Variants in KCND3 observed in about 807,000 individuals in gnomAD.
The protein encoded by KCND3 is potassium voltage-gated channel subfamily D member 3.
Under a neutral mutation model 51.1 loss-of-function variants are expected in KCND3, and 9 were observed. That is an observed-to-expected ratio of 0.18 (90% CI 0.11 to 0.31). The LOEUF (loss-of-function observed/expected upper bound fraction) is 0.31. Ranked by LOEUF, KCND3 falls within the 10% of genes least tolerant of loss-of-function variation. KCND3 has a pLI of 1.00. For missense variants in KCND3, 526 were observed against 903.8 expected (o/e 0.58, Z 5.36); for synonymous variants, 349 against 368.0 (o/e 0.95, Z 0.59).
intron 2 of KCND3, among the ~76,000 whole-genome samples, chr1:111,840,447 C>T (rs1667275595): frequency 6.6e-6 from 1 of 151,900 alleles, no homozygotes; most frequent in Non-Finnish European, 1.5e-5. Flanking sequence ...AACATTAAGT[C>T]TCCAACCCCC....
chr1:111,806,008 C>T (rs1665551626), intron 2 of KCND3, among the ~76,000 whole-genome samples: 1 of 152,184 alleles, frequency 6.6e-6, no homozygotes, highest in Admixed American at 6.5e-5. Flanking sequence ...ATCCGAAATC[C>T]TGTCTGGCCT....
rs1663961818 is a variant in KCND3, at chr1:111,772,456, G to A, written c.*3621C>T. The A allele has an allele frequency of 6.6e-6, 1 of 152,228 alleles. No homozygotes were observed. The highest frequency in any genetic ancestry group is 1.5e-5 in the Non-Finnish European group (1 of 68,036). The allele number at this position is 152,228 out of a possible 1,614,324, so 9.4% of individuals were successfully genotyped here. A position where few individuals can be genotyped will look rare whatever the true frequency, so the allele number is the denominator to read the frequency against. ...TATACGTATTGACATATAAGACTATGTCTCCAATTACAGTATGGATTCTTT... is the reference window on the plus strand; with the variant it reads ...TATACGTATTGACATATAAGACTATATCTCCAATTACAGTATGGATTCTTT... On this transcript the variant is annotated 3_prime_UTR_variant, in exon 8 of 8. Transcript: ENST00000302127.
At chr1:111,845,503 A>G (rs977108113) in intron 2 of KCND3, among the ~76,000 whole-genome samples, 2 of 152,052 alleles carry the variant, frequency 1.3e-5, no homozygotes, top group Non-Finnish European at 2.9e-5. Flanking sequence ...TCCCAAATGG[A>G]GCTTTACTGT....
At chr1:111,959,406 C>T (rs182010199) in intron 2 of KCND3, among the ~76,000 whole-genome samples, 1 of 152,296 alleles carries the variant, frequency 6.6e-6, no homozygotes, top group East Asian at 1.9e-4. Context: ...GTCCTCCCTT[C>T]CCACCCCTCT....
rs34652868 is a variant in KCND3 at position 111,817,185 on chromosome 1, T to TAA, written c.1107-30081_1107-30080dup. ...AAAAATATCTAATTTCACTAGTTACTAAAAAAAAAAAAAATGAAGTGGGGT... is the reference window on the plus strand; with the variant it reads ...AAAAATATCTAATTTCACTAGTTACTAAAAAAAAAAAAAAAATGAAGTGGGGT... On this transcript the variant is annotated intron_variant, in intron 2 of 7. Coordinates refer to ENST00000302127, the MANE Select transcript of KCND3 (RefSeq NM_001378969.1). Among the ~76,000 whole-genome samples, 894 of 144,366 alleles carry TAA rather than the reference T, an allele frequency of 6.2e-3. 4 individuals carry two copies. The highest frequency in any genetic ancestry group is 0.016 in the African/African-American group (634 of 38,696). 94.7% of individuals were successfully genotyped at this position (144,366 alleles called of 152,430 possible). A position where few individuals can be genotyped will look rare whatever the true frequency, so the allele number is the denominator to read the frequency against.
intron 2 of KCND3, chr1:111,910,841 C>G (rs1182742769): frequency 6.6e-6 from 1 of 152,168 alleles, no homozygotes; most frequent in East Asian, 1.9e-4. Flanking sequence ...TATGATACAT[C>G]AAAAGCAGAA....
At chr1:111,858,771 A>T (rs1164132610) in intron 2 of KCND3, among the ~76,000 whole-genome samples, 2 of 151,362 alleles carry the variant, frequency 1.3e-5, no homozygotes, top group Admixed American at 6.6e-5. Flanking sequence ...CCATGATCTG[A>T]CTCCCCACTG....
chr1:111,894,409 C>T (rs1392763562), intron 2 of KCND3, among the ~76,000 whole-genome samples: 1 of 152,172 alleles, frequency 6.6e-6, no homozygotes, highest in African/African-American at 2.4e-5. Context: ...TTGTCTTTCT[C>T]TCCCACCCTA....
intron 2 of KCND3, chr1:111,854,179 C>T (rs968182026): frequency 4.6e-5 from 7 of 152,220 alleles, no homozygotes; most frequent in Non-Finnish European, 8.8e-5. Flanking sequence ...CTCACCAAAG[C>T]AGGCACCTGG....
chr1:111,833,088 C>T (rs932194324), intron 2 of KCND3, among the ~76,000 whole-genome samples: 51 of 152,352 alleles, frequency 3.3e-4, no homozygotes, highest in Middle Eastern at 3.4e-3. Flanking sequence ...CTTGTTTTTA[C>T]GGAGATTGAG....
rs574245076 is a variant in KCND3 at position 111,773,040 on chromosome 1, C to G, written c.*3037G>C. On this transcript the variant is annotated 3_prime_UTR_variant, in exon 8 of 8. Transcript: ENST00000302127. ...TCTGTAGTGTAGATGAGCCATTTTCCAAACGTTGACATTTTTTGGACCAGA... is the reference window on the plus strand; with the variant it reads ...TCTGTAGTGTAGATGAGCCATTTTCGAAACGTTGACATTTTTTGGACCAGA... 6.6e-6 allele frequency: 1 copy of G among 152,228 alleles called. No individual in the cohort carries two copies. Among genetic ancestry groups the G allele is most frequent in the East Asian group, 1.9e-4 (1 of 5,172 alleles). 9.4% of individuals were successfully genotyped at this position (152,228 alleles called of 1,614,324 possible).
chr1:111,827,460 A>G (rs11102339), intron 2 of KCND3, among the ~76,000 whole-genome samples: 84,194 of 151,700 alleles, frequency 0.56, 25,209 homozygotes, highest in Non-Finnish European at 0.66. Flanking sequence ...CCAGGACACT[A>G]AGCAGACAGA....
chr1:111,949,483 G>C (rs1344272946), intron 2 of KCND3, among the ~76,000 whole-genome samples: 1 of 152,204 alleles, frequency 6.6e-6, no homozygotes, highest in East Asian at 1.9e-4. Context: ...AGTTGGGCTG[G>C]GAAAAGTAAA....
intron 2 of KCND3, among the ~76,000 whole-genome samples, chr1:111,960,865 C>T (rs1673612142): frequency 6.6e-6 from 1 of 151,996 alleles, no homozygotes; most frequent in Non-Finnish European, 1.5e-5. Context: ...ATCAGGAGAC[C>T]GAGGGAGGCC....
chr1:111,780,717 C>A lies in KCND3; in HGVS notation c.1344G>T (p.Gly448=). 6.2e-7 allele frequency: 1 copy of A among 1,612,230 alleles called. No individual in the cohort carries two copies. Among genetic ancestry groups the A allele is most frequent in the Non-Finnish European group, 8.5e-7 (1 of 1,179,322 alleles). The stretch of plus-strand genomic sequence containing the variant: ...TCAGCTCCAGCGCCTCGTTGAGGAG[C>A]CCGTTGCGCTTGCTGTGCAGGTATG... ...SNAYLHSKRN[G]LLNEALELTG... is the part of the protein sequence containing the mutation. Residue 448 remains glycine (G), a synonymous_variant, in exon 4 of 8, where the codon GGG becomes GGT. Coordinates refer to ENST00000302127, the MANE Select transcript of KCND3 (RefSeq NM_001378969.1). The surrounding 1 kb of genome is among the most constrained non-coding windows in gnomAD (Gnocchi z 4.2).
At chr1:111,791,439 G>C (rs1664818496) in intron 2 of KCND3, among the ~76,000 whole-genome samples, 1 of 152,220 alleles carries the variant, frequency 6.6e-6, no homozygotes, top group South Asian at 2.1e-4. Flanking sequence ...CGGGGAGGAA[G>C]AAGGCTGGCA....
intron 2 of KCND3, among the ~76,000 whole-genome samples, chr1:111,858,357 C>T (rs1347213819): frequency 1.3e-5 from 2 of 152,160 alleles, no homozygotes; most frequent in Non-Finnish European, 1.5e-5. Context: ...TCAACCTATC[C>T]TGAGCCAAAG....
At chr1:111,874,408 A>G (rs563936049) in intron 2 of KCND3, among the ~76,000 whole-genome samples, 1 of 152,232 alleles carries the variant, frequency 6.6e-6, no homozygotes, top group South Asian at 2.1e-4. Context: ...AACTTCCAGA[A>G]GTTCTTTTCT....
chr1:111,881,048 C>T (rs1051746491), intron 2 of KCND3, among the ~76,000 whole-genome samples: 2 of 152,208 alleles, frequency 1.3e-5, no homozygotes, highest in African/African-American at 4.8e-5. Flanking sequence ...TCTCCCATCT[C>T]AGCTGCTGGC....
Sources: gnomAD v4.1 joint callset for allele counts (sites outside exome capture counted in the v4.1 genomes callset) on GRCh38, gnomAD v4.1.1 for gene constraint, Gnocchi (gnomAD v3.1) non-coding constraint, MANE v1.5 for transcripts, NCBI Gene and HGNC (gene_info 2026-07-23, HGNC 2026-07-21) for gene names.